The following CNTLN variants were observed in gnomAD, a reference collection of about 807,000 sequenced individuals.
CNTLN encodes the protein centlein.
In CNTLN, 212 loss-of-function variants were observed where a neutral mutation model predicts 180.0. The observed-to-expected ratio is 1.18, with a 90% CI of 1.05 to 1.32. The LOEUF (loss-of-function observed/expected upper bound fraction) is 1.32. Among genes scored for constraint, CNTLN ranks in the 40% most tolerant of loss-of-function variants. The probability of loss-of-function intolerance (pLI) is 0.00; values close to 1 mark genes in which losing one functional copy is unlikely to be tolerated. For missense variants in CNTLN, 2,095 were observed against 1,610.9 expected (o/e 1.30, Z -5.14); for synonymous variants, 722 against 563.1 (o/e 1.28, Z -3.99).
chr9:17,454,301 A>G (rs931272173), intron 18 of CNTLN, among the ~76,000 whole-genome samples: 84 of 152,226 alleles, frequency 5.5e-4, no homozygotes, highest in Non-Finnish European at 2.8e-4. Context: ...GTTAGAAATA[A>G]TTGACTACAC....
intron 18 of CNTLN, 53 bp from the exon 19 acceptor site, chr9:17,457,471 A>G: frequency 4.1e-6 from 4 of 984,334 alleles, no homozygotes; most frequent in Non-Finnish European, 4.1e-6. Context: ...GTTAGATTAA[A>G]TATAGTTACT....
chr9:17,459,342 T>C (rs780751022), intron 19 of CNTLN, among the ~76,000 whole-genome samples: 4 of 151,880 alleles, frequency 2.6e-5, no homozygotes, highest in Admixed American at 1.3e-4. Flanking sequence ...TCTCTCTTGC[T>C]TTGGAGGAAT....
At chr9:17,457,217 A>G (rs1831178678) in intron 18 of CNTLN, among the ~76,000 whole-genome samples, 2 of 152,088 alleles carry the variant, frequency 1.3e-5, no homozygotes, top group South Asian at 4.1e-4. Context: ...AAGGTTATCA[A>G]ATATGTGAAT....
At chr9:17,153,351 T>G (rs961199109) in intron 2 of CNTLN, among the ~76,000 whole-genome samples, 1 of 151,988 alleles carries the variant, frequency 6.6e-6, no homozygotes, top group Non-Finnish European at 1.5e-5. Context: ...GCAGGTCTGG[T>G]GGTGACAAAA....
At chr9:17,252,108 C>T (rs1380795071) in intron 5 of CNTLN, among the ~76,000 whole-genome samples, 1 of 151,752 alleles carries the variant, frequency 6.6e-6, no homozygotes, top group Non-Finnish European at 1.5e-5. Context: ...TTTATATATA[C>T]ACCACATTTT....
At chr9:17,407,796 T>C (rs1827507349) in intron 15 of CNTLN, among the ~76,000 whole-genome samples, 1 of 152,106 alleles carries the variant, frequency 6.6e-6, no homozygotes, top group Admixed American at 6.5e-5. Flanking sequence ...ATTCTGGACA[T>C]GATGCTCCAT....
intron 2 of CNTLN, among the ~76,000 whole-genome samples, chr9:17,224,560 C>T (rs1563898881): frequency 1.3e-5 from 2 of 151,958 alleles, no homozygotes; most frequent in Admixed American, 6.6e-5. Flanking sequence ...TCACTATTTT[C>T]CTGTGTAGTG....
chr9:17,330,859 CAA>C (rs751810563), intron 9 of CNTLN, 51 bp downstream of exon 9: 8 of 1,504,866 alleles, frequency 5.3e-6, no homozygotes, highest in Middle Eastern at 1.7e-4. Context: ...GCTGGAAAGA[CAA>C]GAGATGAAGT....
intron 2 of CNTLN, among the ~76,000 whole-genome samples, chr9:17,214,303 T>C (rs1030231493): frequency 3.3e-5 from 5 of 152,198 alleles, no homozygotes; most frequent in African/African-American, 9.7e-5. Flanking sequence ...TTATTTCTCC[T>C]TCACTTATGA....
At chr9:17,395,110 C>T (rs3739488) in intron 15 of CNTLN, 41 bp downstream of exon 15, 1,321,918 of 1,548,518 alleles carry the variant, frequency 0.85, 566,337 homozygotes, top group Non-Finnish European at 0.87. Context: ...GGGGACACTG[C>T]GCATATGTAA....
At position 17,259,303 on chromosome 9, in the gene CNTLN, C is replaced by G. The variant is rs570672831; in HGVS notation, c.850-14430C>G. 5.1e-3 allele frequency among the ~76,000 whole-genome samples: 722 copies of G among 142,680 alleles called. 23 individuals carry two copies. The highest frequency in any genetic ancestry group is 0.018 in the African/African-American group (669 of 36,724). The allele number at this position is 142,680 out of a possible 152,430, so 93.6% of individuals were successfully genotyped here. A position where few individuals can be genotyped will look rare whatever the true frequency, so the allele number is the denominator to read the frequency against. On this transcript the variant is annotated intron_variant, in intron 5 of 25. Transcript: ENST00000380647. ...TATTGATTTGCGTATATTGAACCAG[C>G]CTTGCATCCCAGGGATGAAGCCCAC... is the stretch of plus-strand genomic sequence containing the variant.
At chr9:17,143,523 T>A in intron 2 of CNTLN, 147 bp downstream of exon 2, 1 of 630,392 alleles carries the variant, frequency 1.6e-6, no homozygotes, top group Non-Finnish European at 2.7e-6. Flanking sequence ...ATTGTTGGAT[T>A]TATTATGAAG....
At chr9:17,487,260 C>G (rs1345010445) in intron 25 of CNTLN, 194 bp downstream of exon 25, 4 of 572,002 alleles carry the variant, frequency 7.0e-6, no homozygotes, top group Non-Finnish European at 1.2e-5. Flanking sequence ...AAACAAATAC[C>G]TTGGGATAGA....
intron 6 of CNTLN, among the ~76,000 whole-genome samples, chr9:17,284,441 G>C (rs1828854198): frequency 6.6e-6 from 1 of 152,042 alleles, no homozygotes; most frequent in Admixed American, 6.6e-5. Flanking sequence ...TTCAGAACTT[G>C]TTATTGGTCT....
At chr9:17,243,863 T>C (rs1482421373) in intron 5 of CNTLN, among the ~76,000 whole-genome samples, 1 of 152,214 alleles carries the variant, frequency 6.6e-6, no homozygotes, top group African/African-American at 2.4e-5. Flanking sequence ...GTTTCTTTGT[T>C]GATTTTTGGT....
At chr9:17,155,324 G>A (rs541432490) in intron 2 of CNTLN, among the ~76,000 whole-genome samples, 1 of 152,190 alleles carries the variant, frequency 6.6e-6, no homozygotes, top group Non-Finnish European at 1.5e-5. Flanking sequence ...ACCCATTTGA[G>A]GAGGCAGACT....
chr9:17,524,641 A>G, the CNTLN span, among the ~76,000 whole-genome samples: 4 of 152,242 alleles, frequency 2.6e-5, no homozygotes, highest in Non-Finnish European at 5.9e-5. Flanking sequence ...ATAACATTGA[A>G]TGCAGCTTAA....
Position 17,198,658 on chromosome 9 carries a change from G to T in CNTLN, c.450-27545G>T, listed in dbSNP as rs553865214. Among the ~76,000 whole-genome samples, 12 of 150,502 alleles carry T rather than the reference G, an allele frequency of 8.0e-5. No homozygotes were observed. In the South Asian group the frequency reaches 8.4e-4, roughly 11 times the overall value. On this transcript the variant is annotated intron_variant, in intron 2 of 25. Transcript: ENST00000380647. Reference sequence around the variant, plus strand: ...CAGAATATGCAGGTTTGTTACATAGGTATACATGTCTCCCTCCCCTTGCCC... The same window carrying T: ...CAGAATATGCAGGTTTGTTACATAGTTATACATGTCTCCCTCCCCTTGCCC...
intron 18 of CNTLN, among the ~76,000 whole-genome samples, chr9:17,432,130 C>G (rs916400629): frequency 2.0e-5 from 3 of 151,754 alleles, no homozygotes; most frequent in African/African-American, 7.3e-5. Flanking sequence ...TAAATCCAAA[C>G]CTGGAGAAAT....
Sources: gnomAD v4.1 joint callset for allele counts (sites outside exome capture counted in the v4.1 genomes callset) on GRCh38, gnomAD v4.1.1 for gene constraint, MANE v1.5 for transcripts, NCBI Gene and HGNC (gene_info 2026-07-23, HGNC 2026-07-21) for gene names.